The following ATP7A variants were observed in gnomAD, a reference collection of about 807,000 sequenced individuals.
ATP7A encodes the protein ATPase copper transporting alpha, also known as copper-transporting ATPase 1.
In ATP7A, 7 loss-of-function variants were observed where a neutral mutation model predicts 83.5. The ratio of observed to expected loss-of-function variants is 0.08; its 90% CI spans 0.05 to 0.16. ATP7A has a LOEUF of 0.16. Among genes scored for constraint, ATP7A ranks in the 10% least tolerant of loss-of-function variants. The probability of loss-of-function intolerance (pLI) is 1.00; values close to 1 mark genes in which losing one functional copy is unlikely to be tolerated. For synonymous variants in ATP7A, 354 were observed against 395.2 expected (o/e 0.90, Z 1.24); for missense variants, 940 against 1,120.8 (o/e 0.84, Z 2.30).
At chrX:78,009,336 G>T (rs1216849581) in intron 7 of ATP7A, 73 bp downstream of exon 7, 1 of 1,079,982 alleles carries the variant, frequency 9.3e-7, no homozygotes, top group African/African-American at 1.8e-5. Flanking sequence ...TTTCTGGTTT[G>T]CATCAGATAG....
intron 14 of ATP7A, 58 bp downstream of exon 14, chrX:78,021,137 T>C: frequency 9.1e-7 from 1 of 1,093,027 alleles, no homozygotes; most frequent in African/African-American, 1.8e-5. Flanking sequence ...GTCTTTTGCA[T>C]TAGTAATTCA....
intron 1 of ATP7A, among the ~76,000 whole-genome samples, chrX:77,948,788 C>T (rs1557226493): frequency 8.9e-6 from 1 of 111,752 alleles, no homozygotes; most frequent in East Asian, 2.8e-4. Flanking sequence ...CATGGTCGGT[C>T]AGTTGAAGAA....
intron 4 of ATP7A, among the ~76,000 whole-genome samples, chrX:77,997,487 G>A (rs1240133727): frequency 8.9e-6 from 1 of 112,228 alleles, no homozygotes. Context: ...GGGTTCCTTT[G>A]TCTGCTAGCT....
chrX:77,970,348 G>A (rs1189007766), intron 1 of ATP7A, among the ~76,000 whole-genome samples: 5 of 111,911 alleles, frequency 4.5e-5, no homozygotes, highest in African/African-American at 1.6e-4. Flanking sequence ...GTCACACCTT[G>A]TCGCTTCTAC....
Position 77,942,969 on chromosome X carries a change from C to G in ATP7A, c.-21-28652C>G, listed in dbSNP as rs142305640. On this transcript the variant is annotated intron_variant, in intron 1 of 22. Transcript: ENST00000341514. ...TAGCTGGGATTACAGGCAAGCACCACCACACCTGGCAACTTTTTGTATTTT... is the reference window on the plus strand; with the variant it reads ...TAGCTGGGATTACAGGCAAGCACCAGCACACCTGGCAACTTTTTGTATTTT... 4.3e-3 allele frequency among the ~76,000 whole-genome samples: 475 copies of G among 110,161 alleles called. 2 individuals carry two copies. Among genetic ancestry groups the G allele is most frequent in the African/African-American group, 0.015 (449 of 30,263 alleles).
chrX:77,988,160 T>G, intron 2 of ATP7A, 82 bp from the exon 3 acceptor site: 1 of 1,027,541 alleles, frequency 9.7e-7, no homozygotes, highest in Non-Finnish European at 1.3e-6. Flanking sequence ...TCACTCTTCT[T>G]GAATGTGGTG....
chrX:77,949,186 G>T (rs1255422080), intron 1 of ATP7A, among the ~76,000 whole-genome samples: 1 of 111,678 alleles, frequency 9.0e-6, no homozygotes, highest in African/African-American at 3.3e-5. Flanking sequence ...CACTGCGCCC[G>T]GCCTTATTCT....
intron 22 of ATP7A, 124 bp from the exon 23 acceptor site, chrX:78,046,170 C>A: frequency 1.3e-6 from 1 of 796,792 alleles, no homozygotes; most frequent in Non-Finnish European, 1.8e-6. Flanking sequence ...TACCAGTGAT[C>A]ACCTTTATAC....
At chrX:77,997,458 A>G (rs2077711324) in intron 4 of ATP7A, among the ~76,000 whole-genome samples, 1 of 112,505 alleles carries the variant, frequency 8.9e-6, no homozygotes, top group South Asian at 3.6e-4. Context: ...ACATCCTGAA[A>G]ACCAGCTCTT....
chrX:78,020,390 A>T lies in ATP7A; in HGVS notation c.2773A>T (p.Thr925Ser), dbSNP rs782777820. 8.3e-7 allele frequency: 1 copy of T among 1,211,048 alleles called. No individual in the cohort carries two copies. Among genetic ancestry groups the T allele is most frequent in the Non-Finnish European group, 1.1e-6 (1 of 894,632 alleles). Reference sequence around the variant, plus strand: ...TGTCAAACTTGTGGAAGAGGCACAAACATCAAAGGTAACTTAACTCCCTAG... The same window carrying T: ...TGTCAAACTTGTGGAAGAGGCACAATCATCAAAGGTAACTTAACTCCCTAG... Reference protein sequence around the residue: ...QIVKLVEEAQTSKAPIQQFAD... With the variant: ...QIVKLVEEAQSSKAPIQQFAD... The change falls in exon 13 of 23, where the codon ACA becomes TCA. Residue 925 changes from threonine to serine, a missense_variant. Physicochemically the swap from Thr to Ser is moderately conservative, Grantham distance 58. Coordinates refer to ENST00000341514, the MANE Select transcript of ATP7A (RefSeq NM_000052.7).
chrX:77,988,824 C>T (rs1389197427), intron 3 of ATP7A, 93 bp downstream of exon 3: 12 of 1,056,752 alleles, frequency 1.1e-5, no homozygotes, highest in Non-Finnish European at 1.6e-5. Flanking sequence ...AGTTTTGAAT[C>T]CATGAGACTA....
intron 4 of ATP7A, among the ~76,000 whole-genome samples, chrX:77,995,567 C>CAAA (rs1232051931): frequency 2.9e-5 from 1 of 34,995 alleles, no homozygotes; most frequent in Non-Finnish European, 4.9e-5. Flanking sequence ...GACTCCATCT[C>CAAA]AAAAAAAAAA....
chrX:78,024,704 A>C (rs1314612934), intron 14 of ATP7A, among the ~76,000 whole-genome samples: 1 of 111,473 alleles, frequency 9.0e-6, no homozygotes, highest in Non-Finnish European at 1.9e-5. Context: ...AACCCATTTT[A>C]GTGGTAGCTA....
intron 12 of ATP7A, among the ~76,000 whole-genome samples, chrX:78,019,068 G>A (rs2077887862): frequency 8.9e-6 from 1 of 111,786 alleles, no homozygotes; most frequent in Admixed American, 9.5e-5. Flanking sequence ...ACTTGGGTGG[G>A]GACACAGAGC....
chrX:77,937,920 C>T (rs1441495298), intron 1 of ATP7A, among the ~76,000 whole-genome samples: 1 of 108,869 alleles, frequency 9.2e-6, no homozygotes, highest in East Asian at 2.9e-4. Context: ...CATACACACA[C>T]ACACACACCC....
At chrX:78,014,819 A>G in intron 11 of ATP7A, 66 bp downstream of exon 11, 2 of 827,315 alleles carry the variant, frequency 2.4e-6, no homozygotes, top group Non-Finnish European at 3.6e-6. Flanking sequence ...AAATATATAC[A>G]GAAGTAGAAA....
chrX:78,016,307 G>A (rs543112989), intron 12 of ATP7A, among the ~76,000 whole-genome samples: 3 of 110,906 alleles, frequency 2.7e-5, no homozygotes, highest in African/African-American at 9.8e-5. Flanking sequence ...CAACAGCATA[G>A]GGGAAACCGC....
At chrX:77,935,580 T>C (rs782399574) in intron 1 of ATP7A, among the ~76,000 whole-genome samples, 5 of 112,695 alleles carry the variant, frequency 4.4e-5, no homozygotes, top group Non-Finnish European at 5.6e-5. Flanking sequence ...ACAGTAACAG[T>C]GAAGCTTACC....
chrX:78,042,413 G>A (rs1422988563), intron 19 of ATP7A, among the ~76,000 whole-genome samples, 172 bp from the exon 20 acceptor site: 3 of 111,632 alleles, frequency 2.7e-5, no homozygotes, highest in Non-Finnish European at 5.6e-5. Context: ...TTACACACCA[G>A]CCACTGGTGT....
Sources: gnomAD v4.1 joint callset for allele counts (sites outside exome capture counted in the v4.1 genomes callset) on GRCh38, gnomAD v4.1.1 for gene constraint, MANE v1.5 for transcripts, NCBI Gene and HGNC (gene_info 2026-07-23, HGNC 2026-07-21) for gene names.